Variants in COG6 observed in about 807,000 individuals in gnomAD.
COG6 encodes conserved oligomeric Golgi complex subunit 6.
In COG6, 74 loss-of-function variants were observed where a neutral mutation model predicts 88.8. The ratio of observed to expected loss-of-function variants is 0.83; its 90% CI spans 0.69 to 1.01. The LOEUF (loss-of-function observed/expected upper bound fraction) is 1.01, where lower values mean the gene tolerates loss of function less well. Among genes scored for constraint, COG6 ranks in the 50% least tolerant of loss-of-function variants. COG6 has a pLI of 0.00. For synonymous variants in COG6, 286 were observed against 278.7 expected, an observed-to-expected ratio of 1.03 and a Z score of -0.26; for missense variants, 800 against 797.9, an observed-to-expected ratio of 1.00 and a Z score of -0.03.
At chr13:39,697,075 A>G (rs780000674) in intron 12 of COG6, among the ~76,000 whole-genome samples, 1 of 150,664 alleles carries the variant, frequency 6.6e-6, no homozygotes, top group Non-Finnish European at 1.5e-5. Context: ...GAACTGGTTG[A>G]TGGGAGTGGT....
Position 39,660,873 on chromosome 13 carries a change from C to G in COG6, c.361C>G (p.Arg121Gly), listed in dbSNP as rs775668471. 1 of 1,588,502 alleles carries G rather than the reference C, an allele frequency of 6.3e-7. No homozygotes were observed. The highest frequency in any genetic ancestry group is 8.6e-7 in the Non-Finnish European group (1 of 1,157,754). Residue 121 changes from arginine (R) to glycine (G), a missense_variant, in exon 3 of 19, where the codon CGC becomes GGC. Coordinates refer to ENST00000455146, the MANE Select transcript of COG6 (RefSeq NM_020751.3). The stretch of plus-strand genomic sequence containing the variant: ...CAACTGTTGTCAAGATATGACAAGT[C>G]GCCTACAGGTATTATATAATGGCTA... ...MSNCCQDMTS[R>G]LQAAKEQTQD...
intron 18 of COG6, among the ~76,000 whole-genome samples, chr13:39,787,541 T>A (rs1344574517): frequency 6.6e-6 from 1 of 152,194 alleles, no homozygotes; most frequent in Non-Finnish European, 1.5e-5. Context: ...AATAACTGAC[T>A]GAGTCCTATG....
chr13:39,715,274 TACACACACACAC>T (rs35957437), intron 13 of COG6, among the ~76,000 whole-genome samples: 15 of 149,992 alleles, frequency 1.0e-4, no homozygotes, highest in African/African-American at 3.7e-4. Flanking sequence ...TCTCTCTCTA[TACACACACACAC>T]ACACACAAAC....
chr13:39,675,902 A>G (rs1049713383), intron 4 of COG6, among the ~76,000 whole-genome samples: 3 of 152,072 alleles, frequency 2.0e-5, no homozygotes, highest in African/African-American at 2.4e-5. Flanking sequence ...TGTTAAGGTA[A>G]CTCTTTAAGC....
At chr13:39,655,973 C>G in intron 1 of COG6, 94 bp downstream of exon 1, 1 of 1,466,918 alleles carries the variant, frequency 6.8e-7, no homozygotes, top group Non-Finnish European at 9.3e-7. Flanking sequence ...CGGTCTCCCT[C>G]GTCCCGGCAG....
chr13:39,758,218 C>CAAAA (rs34210362), intron 18 of COG6, among the ~76,000 whole-genome samples: 2 of 55,792 alleles, frequency 3.6e-5, no homozygotes, highest in African/African-American at 7.0e-5. Context: ...GATGCCTTCT[C>CAAAA]AAAAAAAAAA....
exon 19 of COG6, chr13:39,790,916 T>G (rs907899121): frequency 6.6e-6 from 1 of 152,124 alleles, no homozygotes; most frequent in Non-Finnish European, 1.5e-5. Context: ...TGTGTTATAT[T>G]TTTAAGTTGA....
At chr13:39,724,667 A>G (rs1241925184) in intron 17 of COG6, 106 bp downstream of exon 17, 1 of 884,908 alleles carries the variant, frequency 1.1e-6, no homozygotes, top group Non-Finnish European at 1.9e-6. Flanking sequence ...TTATCTCTTG[A>G]CATGCTGTAT....
At chr13:39,670,335 C>G (rs1875550488) in intron 4 of COG6, among the ~76,000 whole-genome samples, 1 of 151,978 alleles carries the variant, frequency 6.6e-6, no homozygotes, top group African/African-American at 2.4e-5. Flanking sequence ...AAAGGCCCAC[C>G]AGCCAGAATT....
At chr13:39,726,247 G>T (rs1466520248) in intron 17 of COG6, among the ~76,000 whole-genome samples, 5 of 151,848 alleles carry the variant, frequency 3.3e-5, no homozygotes, top group Non-Finnish European at 2.9e-5. Flanking sequence ...TCAGAAAATT[G>T]TAAGACCTTC....
At chr13:39,699,747 A>G (rs1877471459) in intron 13 of COG6, 129 bp downstream of exon 13, 1 of 637,558 alleles carries the variant, frequency 1.6e-6, no homozygotes, top group South Asian at 1.8e-5. Context: ...CCTGTCACCA[A>G]CAACTTTCAT....
intron 18 of COG6, among the ~76,000 whole-genome samples, chr13:39,764,872 A>C (rs2138168927): frequency 6.6e-6 from 1 of 152,208 alleles, no homozygotes; most frequent in Non-Finnish European, 1.5e-5. Flanking sequence ...AAAAGGATAA[A>C]TTTTGTTAAT....
chr13:39,703,853 A>G (rs1349305231), intron 13 of COG6, among the ~76,000 whole-genome samples: 1 of 151,814 alleles, frequency 6.6e-6, no homozygotes, highest in East Asian at 1.9e-4. Flanking sequence ...CAGCCTTCCA[A>G]GTAGCTGGGA....
At chr13:39,769,499 A>T (rs1042673291) in intron 18 of COG6, among the ~76,000 whole-genome samples, 1 of 152,254 alleles carries the variant, frequency 6.6e-6, no homozygotes, top group East Asian at 1.9e-4. Context: ...TATAAATTGC[A>T]TTAAGGTATA....
intron 18 of COG6, among the ~76,000 whole-genome samples, chr13:39,735,248 A>T (rs1414508273): frequency 1.3e-5 from 2 of 150,754 alleles, no homozygotes; most frequent in Admixed American, 1.3e-4. Flanking sequence ...ATTTCTTTTT[A>T]TTTTTTGTAT....
intron 18 of COG6, among the ~76,000 whole-genome samples, chr13:39,780,096 T>C (rs1319897929): frequency 2.0e-5 from 3 of 152,296 alleles, no homozygotes; most frequent in East Asian, 3.9e-4. Context: ...TGTCAGGAAA[T>C]TGACTGAGAA....
At chr13:39,764,851 C>T (rs1881120250) in intron 18 of COG6, among the ~76,000 whole-genome samples, 1 of 152,126 alleles carries the variant, frequency 6.6e-6, no homozygotes, top group Admixed American at 6.5e-5. Flanking sequence ...GTGCAGTGCT[C>T]TGCATATGGT....
chr13:39,739,557 C>T (rs764995270), intron 18 of COG6, among the ~76,000 whole-genome samples: 6 of 151,984 alleles, frequency 3.9e-5, no homozygotes, highest in Admixed American at 2.6e-4. Flanking sequence ...ATCAAACATT[C>T]CATTGCATCA....
chr13:39,731,886 T>C (rs1879473065), intron 18 of COG6, among the ~76,000 whole-genome samples: 1 of 152,148 alleles, frequency 6.6e-6, no homozygotes, highest in South Asian at 2.1e-4. Flanking sequence ...CTGAATGCTT[T>C]AGAGACCTCA....
Sources: gnomAD v4.1 joint callset for allele counts (sites outside exome capture counted in the v4.1 genomes callset) on GRCh38, gnomAD v4.1.1 for gene constraint, MANE v1.5 for transcripts, NCBI Gene and HGNC (gene_info 2026-07-23, HGNC 2026-07-21) for gene names.